The following MED14 variants were observed in gnomAD, a reference collection of about 807,000 sequenced individuals.
MED14 encodes mediator complex subunit 14.
A neutral mutation model predicts 109.0 loss-of-function variants in MED14; 8 were observed. The observed-to-expected ratio is 0.07, with a 90% confidence interval of 0.04 to 0.13. MED14 has a LOEUF of 0.13. MED14 is among the 10% of genes least tolerant of loss of function. MED14 has a pLI of 1.00. For synonymous variants in MED14, 399 were observed against 408.7 expected (o/e 0.98, Z 0.29); for missense variants, 711 against 1,142.4 (o/e 0.62, Z 5.44).
At position 40,666,839 on chromosome X, in the gene MED14, G is replaced by C. The variant is rs1269241511; in HGVS notation, c.3146C>G (p.Ala1049Gly). ...CAAAGCCCCACTGGGGGAGCTGGCA[G>C]CATGCAGATTTCCTAATAAAGGAAA... The part of the protein sequence containing the change: ...MHTQSPGNLH[A>G]ASSPSGALRA... Residue 1049 changes from alanine to glycine, a missense_variant, in exon 24 of 31, where the codon GCT (alanine) becomes GGT (glycine). Transcript: ENST00000324817. 8.5e-7 allele frequency: 1 copy of C among 1,172,524 alleles called. No homozygotes were observed. The highest frequency in any genetic ancestry group is 1.1e-6 in the Non-Finnish European group (1 of 875,612).
In MED14 at chrX:40,695,640, C is replaced by T. The variant is rs759505508; in HGVS notation, c.1650+1384G>A. ...GAGATCTTTGTATGTTCATGGGTTT[C>T]GCTATGATGCATGTATTCTGTATTA... On this transcript the variant is annotated intron_variant, in intron 13 of 30. Transcript: ENST00000324817. Among the ~76,000 whole-genome samples the T allele has an allele frequency of 3.6e-5, 4 of 112,317 alleles. No individual in the cohort carries two copies. The South Asian group carries it at 1.5e-3, about 41-fold the overall frequency.
intron 12 of MED14, among the ~76,000 whole-genome samples, chrX:40,699,308 T>C (rs1296288045): frequency 2.7e-5 from 3 of 112,454 alleles, no homozygotes; most frequent in African/African-American, 9.7e-5. Context: ...CTACACGTTC[T>C]AAAAGTGGAT....
intron 10 of MED14, among the ~76,000 whole-genome samples, chrX:40,708,259 T>C (rs1442958630): frequency 1.8e-5 from 2 of 111,385 alleles, no homozygotes; most frequent in African/African-American, 6.5e-5. Flanking sequence ...TTAGTCTCTT[T>C]AAAAATATAA....
At chrX:40,727,623 T>G (rs1297610119) in intron 2 of MED14, among the ~76,000 whole-genome samples, 1 of 111,752 alleles carries the variant, frequency 8.9e-6, no homozygotes, top group African/African-American at 3.3e-5. Flanking sequence ...CTCAACTTCA[T>G]AGCAGCTATA....
chrX:40,675,177 G>A lies in MED14; in HGVS notation c.3021+44C>T, dbSNP rs1443556311. ...TCTTGACACCTATAGAACCTGTGAA[G>A]TTACAGAAATGTGATACCACTTGGA... On this transcript the variant is annotated intron_variant, in intron 22 of 30. Coordinates refer to ENST00000324817, the MANE Select transcript of MED14 (RefSeq NM_004229.4). The A allele has an allele frequency of 4.5e-6, 5 of 1,111,967 alleles. No individual in the cohort carries two copies. The East Asian group carries it at 1.7e-4, about 38-fold the overall frequency. 91.6% of individuals were successfully genotyped at this position (1,111,967 alleles called of 1,213,427 possible). A position where few individuals can be genotyped will look rare whatever the true frequency, so the allele number is the denominator to read the frequency against.
At chrX:40,712,085 G>C in intron 7 of MED14, 101 bp downstream of exon 7, 1 of 552,553 alleles carries the variant, frequency 1.8e-6, no homozygotes, top group South Asian at 4.0e-5. Flanking sequence ...TGGGGGCAAG[G>C]AATGTAGGCT....
intron 20 of MED14, 130 bp downstream of exon 20, chrX:40,680,628 A>C (rs1569285176): frequency 1.9e-6 from 1 of 535,371 alleles, no homozygotes; most frequent in East Asian, 3.8e-5. Flanking sequence ...ACATTGCCCA[A>C]GCTGGTCTTG....
chrX:40,691,466 T>A (rs1930496416), intron 15 of MED14, among the ~76,000 whole-genome samples: 1 of 111,578 alleles, frequency 9.0e-6, no homozygotes, highest in Non-Finnish European at 1.9e-5. Context: ...TTAATTTTTT[T>A]AAAAGAGACA....
chrX:40,654,257 G>C lies in MED14; in HGVS notation c.4291+107C>G, dbSNP rs1928978845. ...CAACCAGACCTCTATTGCTATGATT[G>C]GGTGGTAGAGTAGGTAAGGAGGGAG... On this transcript the variant is annotated intron_variant, in intron 30 of 30. Coordinates refer to ENST00000324817, the MANE Select transcript of MED14 (RefSeq NM_004229.4). The C allele has an allele frequency of 9.0e-6, 6 of 670,051 alleles. No individual in the cohort carries two copies. The South Asian group carries it at 1.4e-4, about 16-fold the overall frequency. The allele number at this position is 670,051 out of a possible 1,213,427, so 55.2% of individuals were successfully genotyped here. A position where few individuals can be genotyped will look rare whatever the true frequency, so the allele number is the denominator to read the frequency against.
In MED14 at chrX:40,654,986, A is replaced by G. The variant is rs1929004442; in HGVS notation, c.4047T>C (p.Ile1349=). 8.3e-7 allele frequency: 1 copy of G among 1,209,264 alleles called. No individual in the cohort carries two copies. Among genetic ancestry groups the G allele is most frequent in the African/African-American group, 1.8e-5 (1 of 57,124 alleles). The part of the protein sequence containing the change: ...CLTIPPSAPP[I]APPGTPAVVL... The stretch of plus-strand genomic sequence containing the variant: ...CCACAGCAGGCGTCCCAGGAGGTGC[A>G]ATCGGCGGCGCGCTGGGAGGGATCG... The change falls in exon 29 of 31, where the codon ATT becomes ATC. Residue 1349 remains isoleucine (I), a synonymous_variant. Coordinates refer to ENST00000324817, the MANE Select transcript of MED14 (RefSeq NM_004229.4).
rs764970273 is a variant in MED14, at chrX:40,659,518, G to A, written c.3774C>T (p.Asn1258=). The A allele has an allele frequency of 1.7e-6, 2 of 1,210,806 alleles. No homozygotes were observed. The highest frequency in any genetic ancestry group is 2.2e-6 in the Non-Finnish European group (2 of 894,646). The change falls in exon 27 of 31, where the codon AAC becomes AAT. Residue 1258 remains asparagine, a synonymous_variant. Coordinates refer to ENST00000324817, the MANE Select transcript of MED14 (RefSeq NM_004229.4). ...GTGTCACTTTTAGCTGAAGCGTTTG[G>A]TTGGTTTTGGGACTAAGAGCTACTC... ...KCRVALSPKT[N]QTLQLKVTPE...
chrX:40,666,619 TC>T, intron 24 of MED14, 100 bp downstream of exon 24: 1 of 910,219 alleles, frequency 1.1e-6, no homozygotes, highest in Non-Finnish European at 1.5e-6. Flanking sequence ...TGCTACTTCC[TC>T]AATAAACAAG....
At chrX:40,719,643 G>C (rs762762476) in intron 3 of MED14, among the ~76,000 whole-genome samples, 19 of 112,060 alleles carry the variant, frequency 1.7e-4, no homozygotes, top group Non-Finnish European at 2.6e-4. Flanking sequence ...CTTAGGGCTA[G>C]AGGAGAGCTG....
intron 1 of MED14, among the ~76,000 whole-genome samples, chrX:40,729,719 C>T (rs987248202): frequency 1.8e-5 from 2 of 112,091 alleles, no homozygotes; most frequent in Non-Finnish European, 3.8e-5. Context: ...GCCAGCCTCC[C>T]TGTATCCAAT....
chrX:40,673,235 A>G (rs1298612799), intron 22 of MED14, among the ~76,000 whole-genome samples: 1 of 112,747 alleles, frequency 8.9e-6, no homozygotes, highest in Non-Finnish European at 1.9e-5. Flanking sequence ...TAACCATGGC[A>G]GATGAATATT....
chrX:40,662,234 CTTTTTATT>C (rs1569279444), intron 26 of MED14, among the ~76,000 whole-genome samples: 1 of 110,701 alleles, frequency 9.0e-6, no homozygotes, highest in Admixed American at 9.6e-5. Flanking sequence ...TTTTTTTTCT[CTTTTTATT>C]TTTTTAGAGA....
chrX:40,735,790 G>C, upstream of MED14: 1 of 355,233 alleles, frequency 2.8e-6, no homozygotes, highest in South Asian at 2.6e-5. Flanking sequence ...CCTTCCGACA[G>C]GTCTGTGTCT....
At chrX:40,699,857 T>G (rs1930855775) in intron 12 of MED14, among the ~76,000 whole-genome samples, 1 of 111,997 alleles carries the variant, frequency 8.9e-6, no homozygotes, top group Admixed American at 9.4e-5. Context: ...TTAAAAATCA[T>G]GCCCTGCGCT....
chrX:40,708,267 T>C (rs1371689467), intron 10 of MED14, among the ~76,000 whole-genome samples: 1 of 111,526 alleles, frequency 9.0e-6, no homozygotes, highest in African/African-American at 3.3e-5. Context: ...TTTAAAAATA[T>C]AAGCTAATGC....
Sources: gnomAD v4.1 joint callset for allele counts (sites outside exome capture counted in the v4.1 genomes callset) on GRCh38, gnomAD v4.1.1 for gene constraint, MANE v1.5 for transcripts, NCBI Gene and HGNC (gene_info 2026-07-23, HGNC 2026-07-21) for gene names.